The following DNAH17 variants were observed in gnomAD, a reference collection of about 807,000 sequenced individuals.
DNAH17 encodes dynein axonemal heavy chain 17, also known as axonemal beta dynein heavy chain 17.
A neutral mutation model predicts 485.6 loss-of-function variants in DNAH17; 376 were observed. The observed-to-expected ratio is 0.77, with a 90% confidence interval of 0.71 to 0.84. DNAH17 has a LOEUF of 0.84. Among genes scored for constraint, DNAH17 ranks in the 40% least tolerant of loss-of-function variants. The pLI is 0.00. For missense variants in DNAH17, 6,370 were observed against 5,839.3 expected (o/e 1.09, Z -2.96); for synonymous variants, 3,031 against 2,405.9 (o/e 1.26, Z -7.60).
chr17:78,423,820 C>CTGTAAAGAATAAGTCACAGGTGCACAGGT lies in DNAH17; in HGVS notation c.*57_*85dup. ...GAGAACGAAAAACCACCACCAGTTC[C>CTGTAAAGAATAAGTCACAGGTGCACAGGT]TGTAAAGAATAAGTCACAGGTGCAC... On this transcript the variant is annotated 3_prime_UTR_variant, in exon 81 of 81. Transcript: ENST00000389840. 1 of 1,518,174 alleles carries CTGTAAAGAATAAGTCACAGGTGCACAGGT rather than the reference C, an allele frequency of 6.6e-7. No individual in the cohort carries two copies. Among genetic ancestry groups the CTGTAAAGAATAAGTCACAGGTGCACAGGT allele is most frequent in the Non-Finnish European group, 9.0e-7 (1 of 1,115,778 alleles). 94.0% of individuals were successfully genotyped at this position (1,518,174 alleles called of 1,614,324 possible).
intron 9 of DNAH17, 21 bp from the exon 10 acceptor site, chr17:78,567,187 A>T (rs746004580): frequency 1.3e-6 from 2 of 1,579,132 alleles, no homozygotes; most frequent in Non-Finnish European, 1.7e-6. Context: ...AGAAAAACAC[A>T]GTCAATTCAT....
At chr17:78,480,627 C>G (rs2089306804) in intron 49 of DNAH17, 57 bp downstream of exon 49, 7 of 1,470,596 alleles carry the variant, frequency 4.8e-6, no homozygotes, top group Non-Finnish European at 5.6e-6. Context: ...TCTCATTTGC[C>G]AGAAGCAAGC....
In DNAH17 at chr17:78,455,818, T is replaced by A. The variant is rs1384705075; in HGVS notation, c.9996A>T (p.Ala3332=). 1 of 1,605,378 alleles carries A rather than the reference T, an allele frequency of 6.2e-7. No individual in the cohort carries two copies. Reference sequence around the variant, plus strand: ...ACTCAGCCCAGCGGATGTTTTCCGATGCTAATCCCCCGACCAGCCTAAAGT... The same window carrying A: ...ACTCAGCCCAGCGGATGTTTTCCGAAGCTAATCCCCCGACCAGCCTAAAGT... ...LLANRLVGGL[A]SENIRWAESV... Residue 3332 remains alanine, a synonymous_variant, in exon 63 of 81, where the codon GCA becomes GCT. Coordinates refer to ENST00000389840, the MANE Select transcript of DNAH17 (RefSeq NM_173628.4).
chr17:78,472,917 CCT>C (rs2088831709), intron 54 of DNAH17: 2 of 307,090 alleles, frequency 6.5e-6, no homozygotes, highest in African/African-American at 2.3e-5. Context: ...CGCTCTATCC[CCT>C]GATCAGACAT....
chr17:78,458,187 G>T (rs1025979923), intron 62 of DNAH17, among the ~76,000 whole-genome samples: 2 of 152,218 alleles, frequency 1.3e-5, no homozygotes, highest in East Asian at 3.8e-4. Context: ...ATCCCTAGTG[G>T]ACGACGCTAC....
chr17:78,530,619 C>T (rs1404673230), intron 20 of DNAH17, 107 bp from the exon 21 acceptor site: 6 of 1,345,162 alleles, frequency 4.5e-6, no homozygotes, highest in Non-Finnish European at 5.0e-6. Flanking sequence ...GCGCTGCTCA[C>T]CTGCCGGCCA....
At position 78,572,762 on chromosome 17, in the gene DNAH17, T is replaced by C. The variant is rs1348274089; in HGVS notation, c.478A>G (p.Thr160Ala). 1 of 1,613,178 alleles carries C rather than the reference T, an allele frequency of 6.2e-7. No homozygotes were observed. The change falls in exon 3 of 81, where the codon ACC (threonine) becomes GCC (alanine). Residue 160 changes from threonine (T) to alanine (A), a missense_variant. By Grantham distance (58) the Thr-to-Ala change is moderately conservative. Transcript: ENST00000389840. ...AGGTGCTCCGGAATAGGCAGCAAGG[T>C]TTTGCCTTTGATCTTGCCACTCATC... ...FVMSGKIKGK[T>A]LLPIPEHLGS... is the part of the protein sequence containing the mutation.
At chr17:78,559,281 C>A (rs2092099558) in intron 13 of DNAH17, among the ~76,000 whole-genome samples, 1 of 152,224 alleles carries the variant, frequency 6.6e-6, no homozygotes, top group South Asian at 2.1e-4. Flanking sequence ...CTCAGCTCCT[C>A]TCTTTGGATG....
Position 78,445,512 on chromosome 17 carries a change from C to T in DNAH17, c.11334+46G>A, listed in dbSNP as rs936635199. The T allele has an allele frequency of 1.6e-5, 25 of 1,547,502 alleles. 1 individual carries two copies. Among genetic ancestry groups the T allele is most frequent in the Non-Finnish European group, 1.7e-5 (19 of 1,143,918 alleles). On this transcript the variant is annotated intron_variant, in intron 70 of 80. Transcript: ENST00000389840. ...TCCGCAGCATCAGCTGGAGGGGGCT[C>T]CACGGCGGGGAGAAAGCACAACGTG...
At chr17:78,523,746 G>A (rs2090992857) in intron 25 of DNAH17, among the ~76,000 whole-genome samples, 1 of 152,028 alleles carries the variant, frequency 6.6e-6, no homozygotes, top group African/African-American at 2.4e-5. Flanking sequence ...TCTCTACATA[G>A]AAATGTAAAA....
chr17:78,543,287 G>GTATTTTTTTTTTTTTT (rs1200669389), intron 17 of DNAH17, among the ~76,000 whole-genome samples: 6 of 139,224 alleles, frequency 4.3e-5, no homozygotes, highest in African/African-American at 1.6e-4. Flanking sequence ...GTTAATTTTT[G>GTATTTTTTTTTTTTTT]TTTTTTTTTT....
At position 78,505,286 on chromosome 17, in the gene DNAH17, C is replaced by T. The variant is rs1485288142; in HGVS notation, c.4956+7G>A. 19 of 1,613,718 alleles carry T rather than the reference C, an allele frequency of 1.2e-5. No homozygotes were observed. Among genetic ancestry groups the T allele is most frequent in the Non-Finnish European group, 1.6e-5 (19 of 1,179,818 alleles). On this transcript the variant is annotated splice_region_variant and intron_variant, in intron 31 of 80. Coordinates refer to ENST00000389840, the MANE Select transcript of DNAH17 (RefSeq NM_173628.4). ...GGGTTCCCTGTGTGGTGTGCGCACA[C>T]ACTCACCTGCCCCGAGAGGTCGCAT...
At position 78,506,637 on chromosome 17, in the gene DNAH17, C is replaced by A. The variant is rs1329553632; in HGVS notation, c.4803+83G>T. The A allele has an allele frequency of 2.5e-6, 4 of 1,594,668 alleles. No homozygotes were observed. The Admixed American group carries it at 5.1e-5, about 20-fold the overall frequency. Reference sequence around the variant, plus strand: ...CACGTCCAAGGACACTTACCCCACCCTAGGGCGGTTGAGGTAGAGGTGCCC... The same window carrying A: ...CACGTCCAAGGACACTTACCCCACCATAGGGCGGTTGAGGTAGAGGTGCCC... On this transcript the variant is annotated intron_variant, in intron 30 of 80. Coordinates refer to ENST00000389840, the MANE Select transcript of DNAH17 (RefSeq NM_173628.4).
chr17:78,545,135 A>T (rs1215928662), intron 16 of DNAH17, among the ~76,000 whole-genome samples: 1 of 152,168 alleles, frequency 6.6e-6, no homozygotes, highest in Non-Finnish European at 1.5e-5. Flanking sequence ...TGAACGATGA[A>T]GACTTAGATC....
chr17:78,445,440 T>C, intron 70 of DNAH17, 118 bp downstream of exon 70: 1 of 1,406,406 alleles, frequency 7.1e-7, no homozygotes, highest in South Asian at 1.5e-5. Flanking sequence ...CTCCTTGCTT[T>C]ACTGAATTTA....
rs2146527833 is a variant in DNAH17, at chr17:78,459,905, T to A, written c.9532A>T (p.Ile3178Phe). The change falls in exon 60 of 81, where the codon ATC becomes TTC. Residue 3178 changes from isoleucine (I) to phenylalanine (F), a missense_variant. Physicochemically the swap from Ile to Phe is conservative, Grantham distance 21 (BLOSUM62 0). Coordinates refer to ENST00000389840, the MANE Select transcript of DNAH17 (RefSeq NM_173628.4). ...VMILTAPGGK[I>F]PKDKSWKAAK... The stretch of plus-strand genomic sequence containing the variant: ...GCCTTCCAGCTCTTGTCCTTGGGGA[T>A]CTTGCCCCCAGGTGCGGTCAGAATC... 3 of 1,614,024 alleles carry A rather than the reference T, an allele frequency of 1.9e-6. No individual in the cohort carries two copies. In the East Asian group the frequency reaches 6.7e-5, roughly 36 times the overall value.
chr17:78,544,660 C>T (rs369591709), intron 16 of DNAH17, among the ~76,000 whole-genome samples: 7 of 151,960 alleles, frequency 4.6e-5, no homozygotes, highest in East Asian at 3.9e-4. Context: ...AAATTAGCCG[C>T]GCATGGTGGC....
In DNAH17 at chr17:78,526,672, G is replaced by T. The variant is rs1456284315; in HGVS notation, c.3690C>A (p.Asn1230Lys). 1.9e-6 allele frequency: 3 copies of T among 1,610,684 alleles called. No individual in the cohort carries two copies. The highest frequency in any genetic ancestry group is 2.2e-5 in the East Asian group (1 of 44,784). ...ATACCTTATTCAGGGACTTGTAGGG[G>T]TTGGGGTCGCTGAAGGAGAACGGGG... ...REAPFSFSDP[N>K]PYKSLNKQQK... Residue 1230 changes from asparagine to lysine, a missense_variant, in exon 24 of 81, where the codon AAC becomes AAA. Transcript: ENST00000389840.
chr17:78,478,282 ATTATCATCT>A (rs1192213718), intron 51 of DNAH17, among the ~76,000 whole-genome samples: 13 of 143,566 alleles, frequency 9.1e-5, no homozygotes, highest in East Asian at 4.1e-4. Context: ...CACCATCACC[ATTATCATCT>A]CCACCACCAT....
Sources: gnomAD v4.1 joint callset for allele counts (sites outside exome capture counted in the v4.1 genomes callset) on GRCh38, gnomAD v4.1.1 for gene constraint, MANE v1.5 for transcripts, NCBI Gene and HGNC (gene_info 2026-07-23, HGNC 2026-07-21) for gene names.